Variants in PDZD2 observed in about 807,000 individuals in gnomAD.
PDZD2 encodes PDZ domain containing 2.
PDZD2 carries 90 observed loss-of-function variants against 220.7 expected under a neutral mutation model. The ratio of observed to expected loss-of-function variants is 0.41; its 90% CI spans 0.34 to 0.49. The LOEUF (loss-of-function observed/expected upper bound fraction) is 0.49, where lower values mean the gene tolerates loss of function less well. Among genes scored for constraint, PDZD2 ranks in the 20% least tolerant of loss-of-function variants. The pLI, the probability that PDZD2 is intolerant of heterozygous loss-of-function variation, is 0.28. For synonymous variants in PDZD2, 1,375 were observed against 1,450.5 expected (o/e 0.95, Z 1.18); for missense variants, 3,174 against 3,608.5 (o/e 0.88, Z 3.08).
chr5:31,810,455 CG>C (rs1394145436), intron 2 of PDZD2, among the ~76,000 whole-genome samples: 6 of 152,046 alleles, frequency 3.9e-5, no homozygotes, highest in Non-Finnish European at 8.8e-5. Flanking sequence ...TTAGTAGAGA[CG>C]GGGTTTCACT....
intron 2 of PDZD2, among the ~76,000 whole-genome samples, chr5:31,827,759 A>G (rs947360832): frequency 2.6e-5 from 4 of 152,132 alleles, no homozygotes; most frequent in Non-Finnish European, 4.4e-5. Context: ...TTCACCTACT[A>G]TAAAATTTAT....
chr5:31,946,343 TATTA>T (rs1746628410), intron 2 of PDZD2, among the ~76,000 whole-genome samples: 1 of 152,202 alleles, frequency 6.6e-6, no homozygotes. Flanking sequence ...GAAGAGTCCC[TATTA>T]ATTATCTGTG....
chr5:31,884,054 A>G (rs1740196803), intron 2 of PDZD2, among the ~76,000 whole-genome samples: 1 of 152,178 alleles, frequency 6.6e-6, no homozygotes, highest in Admixed American at 6.5e-5. Context: ...CTGTACTAAA[A>G]ATACAAAAAT....
At chr5:31,862,108 T>G (rs1737769938) in intron 2 of PDZD2, among the ~76,000 whole-genome samples, 1 of 138,050 alleles carries the variant, frequency 7.2e-6, no homozygotes, top group Admixed American at 7.2e-5. Context: ...TGGGTTTTTT[T>G]TTTTTTTTTT....
chr5:31,661,950 G>C (rs1163978002), intron 1 of PDZD2, among the ~76,000 whole-genome samples: 1 of 152,016 alleles, frequency 6.6e-6, no homozygotes, highest in Non-Finnish European at 1.5e-5. Flanking sequence ...CGTCATCCTG[G>C]GTGAGGTAGC....
At position 32,088,974 on chromosome 5, in the gene PDZD2, A is replaced by C. The variant is rs747520633; in HGVS notation, c.5526A>C (p.Lys1842Asn). Residue 1842 changes from lysine (K) to asparagine (N), a missense_variant, in exon 20 of 25, where the codon AAA (lysine) becomes AAC (asparagine). This residue lies in a region of PDZD2 where 1,861 missense variants were observed against 2,001.0 expected (regional missense o/e 0.93). Transcript: ENST00000438447. The surrounding 1 kb of genome is among the most constrained non-coding windows in gnomAD (Gnocchi z 4.6). ...TTCAGATGGTGAGTTCAAGCCAAAA[A>C]AAGGGCGTTACTGTGCCTCATAGCC... Reference protein sequence around the residue: ...SKIQMVSSSQKKGVTVPHSPP... With the variant: ...SKIQMVSSSQNKGVTVPHSPP... 6.2e-7 allele frequency: 1 copy of C among 1,613,888 alleles called. No individual in the cohort carries two copies. Among genetic ancestry groups the C allele is most frequent in the African/African-American group, 1.3e-5 (1 of 74,912 alleles).
chr5:31,919,315 A>C (rs1743970832), intron 2 of PDZD2, among the ~76,000 whole-genome samples: 1 of 152,048 alleles, frequency 6.6e-6, no homozygotes, highest in Non-Finnish European at 1.5e-5. Context: ...CAGGAATGCT[A>C]AGTTTAGCCC....
intron 2 of PDZD2, among the ~76,000 whole-genome samples, chr5:31,862,205 A>G (rs1319842064): frequency 7.0e-6 from 1 of 141,940 alleles, no homozygotes; most frequent in African/African-American, 2.7e-5. Context: ...CCAGGGTTCC[A>G]ACGATTCTCC....
At chr5:31,654,811 T>C (rs1453399192) in intron 1 of PDZD2, among the ~76,000 whole-genome samples, 2 of 152,214 alleles carry the variant, frequency 1.3e-5, no homozygotes, top group African/African-American at 2.4e-5. Context: ...AGAAAGATTC[T>C]AGTAACATGG....
In PDZD2 at chr5:31,930,802, G is replaced by A. The variant is rs117236006; in HGVS notation, c.477-52353G>A. On this transcript the variant is annotated intron_variant, in intron 2 of 24. Transcript: ENST00000438447. ...ACCCACTATGCGACCAGACGCGGTG[G>A]CTCAGGCCTGTAATCCCAGTACTTT... Among the ~76,000 whole-genome samples the A allele has an allele frequency of 6.6e-4, 100 of 152,242 alleles. 1 individual carries two copies. The East Asian group carries it at 0.019, about 28-fold the overall frequency.
chr5:31,766,732 A>T (rs1752039417), intron 1 of PDZD2, among the ~76,000 whole-genome samples: 1 of 143,766 alleles, frequency 7.0e-6, no homozygotes. Flanking sequence ...CTTAAGCAGA[A>T]TTTTTTTTTT....
intron 7 of PDZD2, among the ~76,000 whole-genome samples, chr5:32,047,099 T>C (rs1738045586): frequency 6.6e-6 from 1 of 152,006 alleles, no homozygotes; most frequent in Admixed American, 6.6e-5. Context: ...TATAAATCGA[T>C]AAGAAAGACA....
At chr5:32,033,011 T>G (rs1457633130) in intron 6 of PDZD2, among the ~76,000 whole-genome samples, 3 of 152,220 alleles carry the variant, frequency 2.0e-5, no homozygotes. Flanking sequence ...GAGACTCCAT[T>G]AATATAATGG....
intron 2 of PDZD2, among the ~76,000 whole-genome samples, chr5:31,895,802 GTTA>G (rs1354128313): frequency 2.0e-5 from 3 of 152,236 alleles, no homozygotes; most frequent in East Asian, 3.9e-4. Flanking sequence ...AAAAGACAGT[GTTA>G]TTATGTTGAT....
At chr5:31,911,346 C>A (rs981284638) in intron 2 of PDZD2, among the ~76,000 whole-genome samples, 1 of 152,226 alleles carries the variant, frequency 6.6e-6, no homozygotes, top group African/African-American at 2.4e-5. Context: ...AGAAACTTGT[C>A]CAGCACAATA....
chr5:31,986,423 ATTATCT>A (rs1390203323), intron 3 of PDZD2, among the ~76,000 whole-genome samples: 4 of 152,140 alleles, frequency 2.6e-5, no homozygotes, highest in Non-Finnish European at 4.4e-5. Context: ...CAACCATAAA[ATTATCT>A]TTATTAGGTG....
intron 1 of PDZD2, among the ~76,000 whole-genome samples, chr5:31,687,815 C>G (rs1372143466): frequency 2.0e-5 from 3 of 152,202 alleles, no homozygotes; most frequent in African/African-American, 7.2e-5. Flanking sequence ...TCTTCCTCTT[C>G]CTATGAGGGC....
intron 1 of PDZD2, among the ~76,000 whole-genome samples, chr5:31,761,553 G>T (rs757900976): frequency 2.6e-5 from 4 of 151,858 alleles, no homozygotes; most frequent in Non-Finnish European, 5.9e-5. Context: ...CCTGAGACTG[G>T]GTAATTTATA....
At chr5:32,058,246 C>T in intron 12 of PDZD2, 143 bp downstream of exon 12, 1 of 625,096 alleles carries the variant, frequency 1.6e-6, no homozygotes, top group East Asian at 2.7e-5. Flanking sequence ...CTGCATGGGA[C>T]AGTGAGGTCA....
Sources: gnomAD v4.1 joint callset for allele counts (sites outside exome capture counted in the v4.1 genomes callset) on GRCh38, gnomAD v4.1.1 for gene constraint, gnomAD v4.1.1 regional missense constraint, Gnocchi (gnomAD v3.1) non-coding constraint, MANE v1.5 for transcripts, NCBI Gene and HGNC (gene_info 2026-07-23, HGNC 2026-07-21) for gene names.